Variants in B4GALT6 observed in about 807,000 individuals in gnomAD.
B4GALT6 encodes UDP-Gal:beta-GlcNAc beta-1,4-galactosyltransferase 6.
B4GALT6 carries 14 observed loss-of-function variants against 46.3 expected under a neutral mutation model. The ratio of observed to expected loss-of-function variants is 0.30; its 90% CI spans 0.20 to 0.47. The LOEUF is 0.47. Ranked by LOEUF, B4GALT6 falls within the 20% of genes least tolerant of loss-of-function variation. The pLI is 0.99. For missense variants in B4GALT6, 386 were observed against 480.1 expected, an observed-to-expected ratio of 0.80 and a Z score of 1.83; for synonymous variants, 168 against 162.0, an observed-to-expected ratio of 1.04 and a Z score of -0.28.
At chr18:31,647,659 G>A (rs1394206441) in intron 3 of B4GALT6, among the ~76,000 whole-genome samples, 1 of 152,090 alleles carries the variant, frequency 6.6e-6, no homozygotes, top group East Asian at 1.9e-4. Context: ...GACAAGTATT[G>A]CCACCACTGG....
chr18:31,642,894 A>G (rs1045367686), intron 4 of B4GALT6, among the ~76,000 whole-genome samples: 10 of 152,212 alleles, frequency 6.6e-5, no homozygotes, highest in African/African-American at 2.4e-4. Flanking sequence ...CAGGTTGGCC[A>G]GCCAAAATTA....
At chr18:31,699,680 C>T in the B4GALT6 span, among the ~76,000 whole-genome samples, 1 of 146,966 alleles carries the variant, frequency 6.8e-6, no homozygotes, top group South Asian at 2.1e-4. Flanking sequence ...AGAACTGTGG[C>T]TCTCAAAGTG....
At chr18:31,675,091 TAAC>T (rs2074400957) in intron 1 of B4GALT6, among the ~76,000 whole-genome samples, 1 of 152,228 alleles carries the variant, frequency 6.6e-6, no homozygotes, top group Admixed American at 6.5e-5. Context: ...AGATCTTAGC[TAAC>T]AACTCAAGCT....
Position 31,630,984 on chromosome 18 carries a change from C to T in B4GALT6, c.751G>A (p.Ala251Thr), listed in dbSNP as rs760617720. 3 of 1,614,140 alleles carry T rather than the reference C, an allele frequency of 1.9e-6. No individual in the cohort carries two copies. Among genetic ancestry groups the T allele is most frequent in the Non-Finnish European group, 2.5e-6 (3 of 1,180,020 alleles). The change falls in exon 6 of 9, where the codon GCA becomes ACA. Residue 251 changes from alanine (A) to threonine (T), a missense_variant. By Grantham distance (58) the Ala-to-Thr change is moderately conservative. Around this residue, in one of 2 missense-constraint regions of B4GALT6, gnomAD observed 323 missense variants for 438.9 expected, o/e 0.74. Coordinates refer to ENST00000306851, the MANE Select transcript of B4GALT6 (RefSeq NM_004775.5). ...GCGEMPRHFAAKLDKYMYILP... is the reference protein window; with the variant it reads ...GCGEMPRHFATKLDKYMYILP... ...ATATACATGTATTTATCCAGCTTTGCAGCAAAATGACGTGGCATTTCTCCA... is the reference window on the plus strand; with the variant it reads ...ATATACATGTATTTATCCAGCTTTGTAGCAAAATGACGTGGCATTTCTCCA...
the B4GALT6 span, among the ~76,000 whole-genome samples, chr18:31,719,907 G>C: frequency 7.2e-5 from 11 of 152,286 alleles, no homozygotes; most frequent in African/African-American, 2.6e-4. Flanking sequence ...TGGTTTTACA[G>C]TAGTGATGTT....
rs1036302739 is a variant in B4GALT6, at chr18:31,649,989, G to A, written c.347-4510C>T. On this transcript the variant is annotated intron_variant, in intron 3 of 8. Transcript: ENST00000306851. ...TCATTGCAGCAATATTCACAATAGT[G>A]AATTCACAGTGACACCCAGCTCTGT... 2.6e-5 allele frequency among the ~76,000 whole-genome samples: 4 copies of A among 152,202 alleles called. No homozygotes were observed. The South Asian group carries it at 6.2e-4, about 24-fold the overall frequency.
the B4GALT6 span, among the ~76,000 whole-genome samples, chr18:31,711,843 A>G: frequency 1.3e-5 from 2 of 152,190 alleles, no homozygotes; most frequent in Non-Finnish European, 2.9e-5. Context: ...TTGTCTATTT[A>G]TCTTTCAAAC....
At chr18:31,698,140 A>G in the B4GALT6 span, among the ~76,000 whole-genome samples, 1 of 151,996 alleles carries the variant, frequency 6.6e-6, no homozygotes. Flanking sequence ...TTAATTTTCC[A>G]TCTCTTCATC....
At chr18:31,626,900 C>G in intron 7 of B4GALT6, 99 bp downstream of exon 7, 1 of 1,029,150 alleles carries the variant, frequency 9.7e-7, no homozygotes, top group South Asian at 1.7e-5. Flanking sequence ...CATATCCCAT[C>G]CCAAAGAATG....
At chr18:31,649,059 G>A (rs537344653) in intron 3 of B4GALT6, among the ~76,000 whole-genome samples, 2 of 152,122 alleles carry the variant, frequency 1.3e-5, no homozygotes, top group African/African-American at 2.4e-5. Flanking sequence ...AGCTAGAAAA[G>A]CATTTTTATG....
intron 1 of B4GALT6, 80 bp from the exon 2 acceptor site, chr18:31,666,452 G>C: frequency 1.8e-6 from 1 of 562,320 alleles, no homozygotes; most frequent in Non-Finnish European, 2.9e-6. Context: ...CAGAATTGGG[G>C]AAGTGCCCAA....
rs1288495190 is a variant in B4GALT6, at chr18:31,625,375, G to A, written c.*239C>T. On this transcript the variant is annotated 3_prime_UTR_variant, in exon 9 of 9. Transcript: ENST00000306851. ...TTCGGAGGGAGCTCTCTTAACTTCC[G>A]ATCTTAAGTAGTGGCTTCCCGTTTC... is the stretch of plus-strand genomic sequence containing the variant. 9.9e-6 allele frequency: 4 copies of A among 403,340 alleles called. No individual in the cohort carries two copies. The highest frequency in any genetic ancestry group is 4.0e-5 in the East Asian group (1 of 24,924). The allele number at this position is 403,340 out of a possible 1,614,324, so 25.0% of individuals were successfully genotyped here.
intron 6 of B4GALT6, among the ~76,000 whole-genome samples, chr18:31,628,401 G>A (rs1242086625): frequency 2.6e-5 from 4 of 152,154 alleles, no homozygotes; most frequent in African/African-American, 9.7e-5. Context: ...AGGGAAACAT[G>A]AATAAATGTG....
At chr18:31,630,299 A>C (rs2073770046) in intron 6 of B4GALT6, among the ~76,000 whole-genome samples, 1 of 152,064 alleles carries the variant, frequency 6.6e-6, no homozygotes, top group Non-Finnish European at 1.5e-5. Flanking sequence ...GGCCAATGAA[A>C]ACTGTGATCC....
At chr18:31,646,292 A>G (rs2144587432) in intron 3 of B4GALT6, among the ~76,000 whole-genome samples, 1 of 152,326 alleles carries the variant, frequency 6.6e-6, no homozygotes, top group South Asian at 2.1e-4. Context: ...TGTTCTTACT[A>G]GTAGCTTTTC....
In B4GALT6 at chr18:31,626,374, C is replaced by T. The variant is rs1035864200; in HGVS notation, c.910G>A (p.Ala304Thr). The T allele has an allele frequency of 1.3e-6, 2 of 1,569,852 alleles. No individual in the cohort carries two copies. The highest frequency in any genetic ancestry group is 3.4e-5 in the Admixed American group (2 of 58,908). The change falls in exon 8 of 9, where the codon GCT becomes ACT. Residue 304 changes from alanine (A) to threonine (T), a missense_variant. Ala to Thr is a moderately conservative substitution (Grantham distance 58). Transcript: ENST00000306851. ...TCTGGTCTGGTTACATTATATCCAG[C>T]ATAGTGAACTCTACAATGCCATATA... ...DDDLWNRVHY[A>T]GYNVTRPEGD...
intron 6 of B4GALT6, among the ~76,000 whole-genome samples, chr18:31,629,716 G>C (rs1418901181): frequency 6.6e-6 from 1 of 150,444 alleles, no homozygotes; most frequent in Non-Finnish European, 1.5e-5. Flanking sequence ...CAGGCGTGGT[G>C]GCAGGCGCCT....
At chr18:31,642,736 C>T (rs948171661) in intron 4 of B4GALT6, among the ~76,000 whole-genome samples, 3 of 152,196 alleles carry the variant, frequency 2.0e-5, no homozygotes, top group Non-Finnish European at 4.4e-5. Context: ...CAGTCTGGAG[C>T]GCAGTGGGCG....
chr18:31,626,441 A>T (rs1032481966), intron 7 of B4GALT6, 57 bp from the exon 8 acceptor site: 11 of 997,288 alleles, frequency 1.1e-5, no homozygotes, highest in Non-Finnish European at 1.7e-5. Flanking sequence ...AAAATGGGTT[A>T]TGTGAGTTCA....
Sources: gnomAD v4.1 joint callset for allele counts (sites outside exome capture counted in the v4.1 genomes callset) on GRCh38, gnomAD v4.1.1 for gene constraint, gnomAD v4.1.1 regional missense constraint, MANE v1.5 for transcripts, NCBI Gene and HGNC (gene_info 2026-07-23, HGNC 2026-07-21) for gene names.